PMPCB: variants seen among roughly 807,000 people sequenced by gnomAD.
PMPCB encodes the protein peptidase, mitochondrial processing subunit beta, also known as mitochondrial-processing peptidase subunit beta.
In PMPCB, 46 loss-of-function variants were observed where a neutral mutation model predicts 61.5. The ratio of observed to expected loss-of-function variants is 0.75; its 90% CI spans 0.59 to 0.96. The LOEUF (loss-of-function observed/expected upper bound fraction) is 0.96, where lower values mean the gene tolerates loss of function less well. Ranked by LOEUF, PMPCB falls within the 40% of genes least tolerant of loss-of-function variation. PMPCB has a pLI of 0.00. For synonymous variants in PMPCB, 191 were observed against 201.6 expected, an observed-to-expected ratio of 0.95 and a Z score of 0.44; for missense variants, 590 against 602.4, an observed-to-expected ratio of 0.98 and a Z score of 0.22.
chr7:103,317,227 C>A, downstream of PMPCB: 1 of 510,542 alleles, frequency 2.0e-6, no homozygotes, highest in Non-Finnish European at 3.4e-6. Flanking sequence ...CTGCCCACAG[C>A]CTGCCTGATT....
At chr7:103,323,453 A>C in intron 12 of PMPCB, 1 of 861,490 alleles carries the variant, frequency 1.2e-6, no homozygotes, top group Non-Finnish European at 1.6e-6. Flanking sequence ...ACTTGTGAGA[A>C]AGGATTTCAA....
chr7:103,325,943 C>T (rs1818681336), intron 12 of PMPCB, among the ~76,000 whole-genome samples: 1 of 152,038 alleles, frequency 6.6e-6, no homozygotes, highest in East Asian at 1.9e-4. Context: ...TTACTGTCAC[C>T]TAAGTGTAAG....
chr7:103,304,047 A>G lies in PMPCB; in HGVS notation c.656+7A>G, dbSNP rs775595766. The G allele has an allele frequency of 3.2e-6, 5 of 1,583,972 alleles. No homozygotes were observed. In the African/African-American group the frequency reaches 4.0e-5, roughly 13 times the overall value. On this transcript the variant is annotated splice_region_variant and intron_variant, in intron 5 of 12. Transcript: ENST00000249269. Reference sequence around the variant, plus strand: ...GACCAACTGAAAATATCAAGTAGGTATAACAGAATTTCTTGGTGTATAAGG... The same window carrying G: ...GACCAACTGAAAATATCAAGTAGGTGTAACAGAATTTCTTGGTGTATAAGG...
chr7:103,322,556 T>C, intron 12 of PMPCB: 1 of 1,583,026 alleles, frequency 6.3e-7, no homozygotes, highest in Admixed American at 1.7e-5. Context: ...CTGCTTTTGC[T>C]TTCTTTTCTG....
chr7:103,330,187 T>C (rs1018946432), downstream of PMPCB, among the ~76,000 whole-genome samples: 3 of 152,244 alleles, frequency 2.0e-5, no homozygotes, highest in Non-Finnish European at 2.9e-5. Context: ...AGCTATAATT[T>C]TGCTATATTA....
Position 103,314,028 on chromosome 7 carries a change from A to C in PMPCB, c.*1757A>C. 1.0e-6 allele frequency: 1 copy of C among 984,116 alleles called. No individual in the cohort carries two copies. The highest frequency in any genetic ancestry group is 4.7e-5 in the South Asian group (1 of 21,266). 61.0% of individuals were successfully genotyped at this position (984,116 alleles called of 1,614,324 possible). A position where few individuals can be genotyped will look rare whatever the true frequency, so the allele number is the denominator to read the frequency against. On this transcript the variant is annotated 3_prime_UTR_variant, in exon 13 of 13. Coordinates refer to ENST00000249269, the MANE Select transcript of PMPCB (RefSeq NM_004279.3). ...TTCCTTCCCAATTAAAGAAGGAAAA[A>C]CAAAACAAAACAAAACAAAACCACC... is the stretch of plus-strand genomic sequence containing the variant.
chr7:103,323,799 C>T, intron 12 of PMPCB: 1 of 674,532 alleles, frequency 1.5e-6, no homozygotes, highest in Non-Finnish European at 2.1e-6. Flanking sequence ...AGTCTTTCTC[C>T]TTTTTTAAGG....
At chr7:103,328,138 T>G (rs1026381973) in intron 12 of PMPCB, among the ~76,000 whole-genome samples, 1 of 151,750 alleles carries the variant, frequency 6.6e-6, no homozygotes, top group African/African-American at 2.4e-5. Flanking sequence ...GCCAGGCTGG[T>G]CTCAAACTCT....
At position 103,297,808 on chromosome 7, in the gene PMPCB, G is replaced by T. The variant is rs1448207980; in HGVS notation, c.99+250G>T. ...TCGGCTCCTCCCGCCAGCTACTGAGGAGTGCATGTTTGACCACTAAAAACG... is the reference window on the plus strand; with the variant it reads ...TCGGCTCCTCCCGCCAGCTACTGAGTAGTGCATGTTTGACCACTAAAAACG... On this transcript the variant is annotated intron_variant, in intron 1 of 12. Transcript: ENST00000249269. 4 of 1,525,778 alleles carry T rather than the reference G, an allele frequency of 2.6e-6. No individual in the cohort carries two copies. In the East Asian group the frequency reaches 1.0e-4, roughly 38 times the overall value. The allele number at this position is 1,525,778 out of a possible 1,614,324, so 94.5% of individuals were successfully genotyped here. A position where few individuals can be genotyped will look rare whatever the true frequency, so the allele number is the denominator to read the frequency against.
downstream of PMPCB, chr7:103,316,720 G>T: frequency 1.1e-6 from 1 of 949,588 alleles, no homozygotes; most frequent in Admixed American, 2.5e-5. Context: ...CTGTGGCACA[G>T]AATTTATCTC....
At chr7:103,340,811 G>A in the PMPCB span, among the ~76,000 whole-genome samples, 4 of 152,182 alleles carry the variant, frequency 2.6e-5, no homozygotes, top group Non-Finnish European at 5.9e-5. Context: ...GTCTTTGGCT[G>A]TAACCTCTTT....
At chr7:103,318,285 C>A (rs1012745741), downstream of PMPCB, among the ~76,000 whole-genome samples, 2 of 152,152 alleles carry the variant, frequency 1.3e-5, no homozygotes, top group Non-Finnish European at 2.9e-5. Context: ...CTAACCTCAG[C>A]CTCCTGAGAA....
At chr7:103,302,050 G>C (rs1384002368) in intron 4 of PMPCB, among the ~76,000 whole-genome samples, 1 of 152,198 alleles carries the variant, frequency 6.6e-6, no homozygotes, top group Admixed American at 6.5e-5. Flanking sequence ...AACATGCGGT[G>C]TTTGGTTTTT....
the PMPCB span, among the ~76,000 whole-genome samples, chr7:103,346,820 G>GTGTGTA: frequency 1.3e-4 from 1 of 7,706 alleles, no homozygotes; most frequent in African/African-American, 1.9e-4. Flanking sequence ...GCTGAATAAT[G>GTGTGTA]TGTGTGTGTG....
chr7:103,315,953 T>G (rs1818029372), downstream of PMPCB: 13 of 1,547,100 alleles, frequency 8.4e-6, no homozygotes, highest in Non-Finnish European at 1.1e-5. Context: ...TAAAAATAGG[T>G]GTTTAAAGTA....
At chr7:103,316,578 A>G, downstream of PMPCB, 1 of 441,762 alleles carries the variant, frequency 2.3e-6, no homozygotes. Context: ...AGCCAACATA[A>G]ATCAAGACTT....
intron 6 of PMPCB, among the ~76,000 whole-genome samples, chr7:103,304,780 G>A (rs191162073): frequency 5.3e-5 from 8 of 152,170 alleles, no homozygotes; most frequent in African/African-American, 1.9e-4. Context: ...GACTAATATG[G>A]TGAAACCCCA....
downstream of PMPCB, among the ~76,000 whole-genome samples, chr7:103,333,952 T>C (rs574816723): frequency 5.3e-3 from 734 of 139,766 alleles, 6 homozygotes; most frequent in African/African-American, 0.019. Flanking sequence ...GTTGTGAACA[T>C]TTTTTTTTTT....
In PMPCB at chr7:103,297,571, C is replaced by G; in HGVS notation, c.99+13C>G. The G allele has an allele frequency of 6.2e-7, 1 of 1,612,220 alleles. No individual in the cohort carries two copies. Reference sequence around the variant, plus strand: ...CGCTGCGGGACGGGTGAGCTTCCCTCCAGGCCGGTCCTGTCCTCGAGATCT... The same window carrying G: ...CGCTGCGGGACGGGTGAGCTTCCCTGCAGGCCGGTCCTGTCCTCGAGATCT... On this transcript the variant is annotated intron_variant, in intron 1 of 12. Transcript: ENST00000249269.
Sources: gnomAD v4.1 joint callset for allele counts (sites outside exome capture counted in the v4.1 genomes callset) on GRCh38, gnomAD v4.1.1 for gene constraint, MANE v1.5 for transcripts, NCBI Gene and HGNC (gene_info 2026-07-23, HGNC 2026-07-21) for gene names.